The following EPB41L1 variants were observed in gnomAD, a reference collection of about 807,000 sequenced individuals.
EPB41L1 encodes erythrocyte membrane protein band 4.1 like 1.
In EPB41L1, 29 loss-of-function variants were observed where a neutral mutation model predicts 97.8. The observed-to-expected ratio is 0.30, with a 90% CI of 0.22 to 0.40. The LOEUF (loss-of-function observed/expected upper bound fraction) is 0.40. Ranked by LOEUF, EPB41L1 falls within the 10% of genes least tolerant of loss-of-function variation. The pLI, the probability that EPB41L1 is intolerant of heterozygous loss-of-function variation, is 1.00. For synonymous variants in EPB41L1, 383 were observed against 459.2 expected (o/e 0.83, Z 2.12); for missense variants, 812 against 1,162.3 (o/e 0.70, Z 4.38).
intron 7 of EPB41L1, among the ~76,000 whole-genome samples, chr20:36,185,986 G>T (rs2146229022): frequency 6.6e-6 from 1 of 152,304 alleles, no homozygotes; most frequent in Middle Eastern, 3.4e-3. Flanking sequence ...GTGATTGTAG[G>T]CTGGTTATTT....
chr20:36,197,651 T>C, intron 13 of EPB41L1: 2 of 985,378 alleles, frequency 2.0e-6, no homozygotes. Flanking sequence ...TCATCTTCAG[T>C]GCTCTGTGCC....
At chr20:36,156,952 G>A (rs572588922) in intron 1 of EPB41L1, among the ~76,000 whole-genome samples, 4 of 152,236 alleles carry the variant, frequency 2.6e-5, no homozygotes, top group Admixed American at 6.5e-5. Flanking sequence ...ACAGGCGTGC[G>A]CCATTGCGCA....
At chr20:36,228,907 T>TA (rs1250216817) in intron 21 of EPB41L1, among the ~76,000 whole-genome samples, 1 of 152,042 alleles carries the variant, frequency 6.6e-6, no homozygotes, top group African/African-American at 2.4e-5. Flanking sequence ...TTCTCGGTGT[T>TA]AAAGGACATT....
chr20:36,142,008 C>T (rs1010567955), intron 2 of EPB41L1, among the ~76,000 whole-genome samples: 1 of 150,986 alleles, frequency 6.6e-6, no homozygotes, highest in African/African-American at 2.4e-5. Context: ...ACTCGGGAGG[C>T]TGAGGTGGGA....
rs2062183185 is a variant in EPB41L1 at position 36,195,984 on chromosome 20, C to T, written c.1485+620C>T. Among the ~76,000 whole-genome samples, 2 of 152,226 alleles carry T rather than the reference C, an allele frequency of 1.3e-5. No homozygotes were observed. Among genetic ancestry groups the T allele is most frequent in the Admixed American group, 1.3e-4 (2 of 15,290 alleles). On this transcript the variant is annotated intron_variant, in intron 13 of 21. Transcript: ENST00000338074. This position sits in a 1 kb window ranked among gnomAD's most constrained non-coding sequence, Gnocchi z 4.6. ...TATGGCAAAAACCTCCTCCTTTTCT[C>T]CTCCTTTCCTCGTCTTCTTCCCATT...
At chr20:36,119,322 G>A (rs1324483917) in intron 2 of EPB41L1, among the ~76,000 whole-genome samples, 1 of 152,374 alleles carries the variant, frequency 6.6e-6, no homozygotes, top group East Asian at 1.9e-4. Context: ...GCAAGGTGTG[G>A]CTGGGTGTGG....
chr20:36,179,637 C>G (rs181260284), intron 5 of EPB41L1, among the ~76,000 whole-genome samples: 1 of 152,328 alleles, frequency 6.6e-6, no homozygotes, highest in African/African-American at 2.4e-5. Flanking sequence ...CCTGGCGCCT[C>G]GAGGCAGAGA....
At chr20:36,149,353 A>G (rs1338910544) in intron 2 of EPB41L1, among the ~76,000 whole-genome samples, 1 of 152,236 alleles carries the variant, frequency 6.6e-6, no homozygotes, top group Non-Finnish European at 1.5e-5. Context: ...TGCAGTTTGC[A>G]GGCATCCTCA....
At chr20:36,225,504 T>C (rs979416839) in intron 21 of EPB41L1, among the ~76,000 whole-genome samples, 8 of 152,194 alleles carry the variant, frequency 5.3e-5, no homozygotes, top group Admixed American at 2.6e-4. Flanking sequence ...CCAGGTATAG[T>C]AGCATTGATG....
intron 14 of EPB41L1, among the ~76,000 whole-genome samples, chr20:36,200,312 C>T (rs2062429826): frequency 6.6e-6 from 1 of 152,178 alleles, no homozygotes; most frequent in Non-Finnish European, 1.5e-5. Context: ...GGGGCTGTTG[C>T]TGTTGGTGAC....
chr20:36,106,070 G>C (rs188870001), intron 1 of EPB41L1, among the ~76,000 whole-genome samples: 1 of 144,184 alleles, frequency 6.9e-6, no homozygotes, highest in Non-Finnish European at 1.5e-5. Context: ...GGGGAGGTGT[G>C]GGGGAGGGCA....
At position 36,212,820 on chromosome 20, in the gene EPB41L1, TTTATGCA is replaced by T. The variant is rs1195267518; in HGVS notation, c.2184+448_2184+454del. 6.6e-6 allele frequency among the ~76,000 whole-genome samples: 1 copy of T among 152,138 alleles called. No individual in the cohort carries two copies. The highest frequency in any genetic ancestry group is 2.4e-5 in the African/African-American group (1 of 41,430). The stretch of plus-strand genomic sequence containing the variant: ...CAGAATAGCTCACCTTGGGTCATTT[TTTATGCA>T]TTAGAGTTCCACATCAGATCAGTAA... On this transcript the variant is annotated intron_variant, in intron 16 of 21. Coordinates refer to ENST00000338074, the MANE Select transcript of EPB41L1 (RefSeq NM_012156.2). The surrounding 1 kb of genome is among the most constrained non-coding windows in gnomAD (Gnocchi z 4.8).
At chr20:36,108,943 GCTT>G (rs1273102184) in intron 1 of EPB41L1, among the ~76,000 whole-genome samples, 29 of 151,666 alleles carry the variant, frequency 1.9e-4, no homozygotes, top group Admixed American at 1.6e-3. Context: ...TGAGTTCAGG[GCTT>G]CTTTTTTTTT....
intron 4 of EPB41L1, 77 bp from the exon 5 acceptor site, chr20:36,178,553 C>T: frequency 6.9e-7 from 1 of 1,450,836 alleles, no homozygotes; most frequent in Non-Finnish European, 9.7e-7. Flanking sequence ...CCAGCCATTT[C>T]AGGATATTTC....
rs541190128 is a variant in EPB41L1, at chr20:36,137,500, C to G, written c.-10+25020C>G. ...CCTCCCATAGTGCTGAGATTATAGG[C>G]ATGAGTCACCGCACCCAGCCTGAAT... On this transcript the variant is annotated intron_variant, in intron 2 of 19. Coordinates refer to the EPB41L1 transcript ENST00000202028. Among the ~76,000 whole-genome samples the G allele has an allele frequency of 8.0e-4, 122 of 152,222 alleles. 1 individual carries two copies. The highest frequency in any genetic ancestry group is 2.7e-3 in the African/African-American group (113 of 41,530).
intron 15 of EPB41L1, among the ~76,000 whole-genome samples, chr20:36,211,750 A>G (rs2063147515): frequency 6.6e-6 from 1 of 152,096 alleles, no homozygotes; most frequent in Admixed American, 6.6e-5. Flanking sequence ...GCTACCTGGG[A>G]GGCTGAGGTA....
chr20:36,180,716 A>G (rs555362187), intron 5 of EPB41L1, among the ~76,000 whole-genome samples: 3 of 152,348 alleles, frequency 2.0e-5, no homozygotes, highest in Non-Finnish European at 4.4e-5. Context: ...AATGAGTATT[A>G]CATGTAGAAT....
At chr20:36,096,029 GAAA>G (rs59767618) in intron 1 of EPB41L1, among the ~76,000 whole-genome samples, 3 of 137,766 alleles carry the variant, frequency 2.2e-5, no homozygotes, top group African/African-American at 5.3e-5. Flanking sequence ...CCATCTCAGG[GAAA>G]AAAAAAAAAA....
At chr20:36,164,106 A>T (rs1184744010) in intron 1 of EPB41L1, among the ~76,000 whole-genome samples, 1 of 152,154 alleles carries the variant, frequency 6.6e-6, no homozygotes, top group Admixed American at 6.5e-5. Flanking sequence ...GGCCTCCCAA[A>T]ATGCTGGGAT....
Sources: allele counts gnomAD v4.1 joint callset (sites outside exome capture counted in the v4.1 genomes callset), GRCh38; gene constraint gnomAD v4.1.1; non-coding constraint Gnocchi (gnomAD v3.1); transcripts MANE v1.5; gene names NCBI Gene and HGNC (gene_info 2026-07-23, HGNC 2026-07-21).